Variants in SCN3A observed in about 807,000 individuals in gnomAD.
SCN3A encodes the protein sodium voltage-gated channel alpha subunit 3.
A neutral mutation model predicts 187.6 loss-of-function variants in SCN3A; 60 were observed. The observed-to-expected ratio is 0.32, with a 90% CI of 0.26 to 0.40. SCN3A has a LOEUF of 0.40. Among genes scored for constraint, SCN3A ranks in the 10% least tolerant of loss-of-function variants. The probability of loss-of-function intolerance (pLI) is 1.00; values close to 1 mark genes in which losing one functional copy is unlikely to be tolerated. For missense variants in SCN3A, 1,601 were observed against 2,428.2 expected (o/e 0.66, Z 7.16); for synonymous variants, 788 against 829.2 (o/e 0.95, Z 0.85).
At chr2:165,192,352 T>C (rs1231278554) in intron 1 of SCN3A, among the ~76,000 whole-genome samples, 2 of 152,152 alleles carry the variant, frequency 1.3e-5, no homozygotes, top group African/African-American at 4.8e-5. Context: ...AGAATGATAA[T>C]AGAGAACAGT....
At chr2:165,178,173 C>T (rs1191732069) in intron 2 of SCN3A, among the ~76,000 whole-genome samples, 1 of 151,932 alleles carries the variant, frequency 6.6e-6, no homozygotes, top group Non-Finnish European at 1.5e-5. Context: ...TTACTAGTTC[C>T]CTGATCTATT....
At chr2:165,180,413 C>G (rs1410621038) in intron 2 of SCN3A, among the ~76,000 whole-genome samples, 1 of 151,990 alleles carries the variant, frequency 6.6e-6, no homozygotes, top group Non-Finnish European at 1.5e-5. Context: ...ATATGTTCAT[C>G]CCAGGGAAGG....
rs375119305 is a variant in SCN3A, at chr2:165,139,419, A to G, written c.2152+57T>C. Reference sequence around the variant, plus strand: ...TTCAGTAATTCTATGAAAAGAAGGAATAGTTCACAAAGCACATAATCACAG... The same window carrying G: ...TTCAGTAATTCTATGAAAAGAAGGAGTAGTTCACAAAGCACATAATCACAG... On this transcript the variant is annotated intron_variant, in intron 14 of 27. Coordinates refer to ENST00000283254, the MANE Select transcript of SCN3A (RefSeq NM_006922.4). 234 of 1,610,702 alleles carry G rather than the reference A, an allele frequency of 1.5e-4. 3 individuals carry two copies. The East Asian group carries it at 1.7e-3, about 12-fold the overall frequency.
At chr2:165,168,710 C>T in intron 5 of SCN3A, 26 bp downstream of exon 5, 1 of 1,483,296 alleles carries the variant, frequency 6.7e-7, no homozygotes, top group Middle Eastern at 1.7e-4. Flanking sequence ...GTGCATTTCT[C>T]ATTCCCAGAA....
intron 19 of SCN3A, among the ~76,000 whole-genome samples, 173 bp from the exon 20 acceptor site, chr2:165,114,143 C>T (rs1686245862): frequency 6.6e-6 from 1 of 152,048 alleles, no homozygotes; most frequent in South Asian, 2.1e-4. Context: ...TATTCTCAGA[C>T]TTATATACTC....
Position 165,140,383 on chromosome 2 carries a change from T to C in SCN3A, c.2019+268A>G, listed in dbSNP as rs978094151. Among the ~76,000 whole-genome samples, 1 of 152,116 alleles carries C rather than the reference T, an allele frequency of 6.6e-6. No individual in the cohort carries two copies. Among genetic ancestry groups the C allele is most frequent in the African/African-American group, 2.4e-5 (1 of 41,430 alleles). ...GGTAGGTCTACCAAATTTGCAGATA[T>C]GTATTTCATAGCAGACTCTAAAAAC... is the stretch of plus-strand genomic sequence containing the variant. On this transcript the variant is annotated intron_variant, in intron 13 of 27. Coordinates refer to ENST00000283254, the MANE Select transcript of SCN3A (RefSeq NM_006922.4). This position sits in a 1 kb window ranked among gnomAD's most constrained non-coding sequence, Gnocchi z 4.2.
intron 2 of SCN3A, among the ~76,000 whole-genome samples, chr2:165,182,821 T>C (rs964110753): frequency 5.9e-5 from 9 of 152,040 alleles, no homozygotes; most frequent in African/African-American, 2.2e-4. Context: ...ATTAAGAAGT[T>C]ACTGGATGAG....
chr2:165,104,477 G>T (rs375336946), intron 21 of SCN3A, among the ~76,000 whole-genome samples: 3 of 151,136 alleles, frequency 2.0e-5, no homozygotes, highest in East Asian at 3.9e-4. Context: ...TAAATTTCAG[G>T]TTGGTCAAAA....
intron 18 of SCN3A, among the ~76,000 whole-genome samples, chr2:165,124,033 C>A (rs1398450946): frequency 6.6e-6 from 1 of 151,488 alleles, no homozygotes; most frequent in African/African-American, 2.4e-5. Context: ...AAAATATATA[C>A]CTTTATATTT....
chr2:165,165,731 T>C (rs936533167), intron 5 of SCN3A, among the ~76,000 whole-genome samples: 7 of 152,240 alleles, frequency 4.6e-5, no homozygotes, highest in Non-Finnish European at 7.3e-5. Context: ...TATTTATATA[T>C]GAAAAATGTT....
chr2:165,093,024 G>A (rs1685189146), intron 26 of SCN3A: 1 of 154,790 alleles, frequency 6.5e-6, no homozygotes, highest in Non-Finnish European at 1.4e-5. Flanking sequence ...ACTCCAGCCT[G>A]AGAGACAGAG....
chr2:165,102,184 C>T (rs752218327), intron 21 of SCN3A, among the ~76,000 whole-genome samples: 53 of 152,198 alleles, frequency 3.5e-4, no homozygotes, highest in Non-Finnish European at 6.0e-4. Context: ...GCAAATTTCT[C>T]AAGACCTTGA....
rs762858535 is a variant in SCN3A, at chr2:165,203,915, C to CTTTTTTTTT, written c.-349_-341dup. 1 of 94,692 alleles carries CTTTTTTTTT rather than the reference C, an allele frequency of 1.1e-5. No individual in the cohort carries two copies. The highest frequency in any genetic ancestry group is 1.1e-4 in the Admixed American group (1 of 9,260). 5.9% of individuals were successfully genotyped at this position (94,692 alleles called of 1,614,324 possible). A position where few individuals can be genotyped will look rare whatever the true frequency, so the allele number is the denominator to read the frequency against. ...CGTGTCTTCCTCTGCAGCTGTTCAG[C>CTTTTTTTTT]TTTTTTTTTTTTTTTTTTTTTTGAC... is the stretch of plus-strand genomic sequence containing the variant. On this transcript the variant is annotated 5_prime_UTR_variant, in exon 1 of 28. Coordinates refer to ENST00000283254, the MANE Select transcript of SCN3A (RefSeq NM_006922.4).
At chr2:165,107,485 T>G (rs183228192) in intron 21 of SCN3A, among the ~76,000 whole-genome samples, 1 of 152,252 alleles carries the variant, frequency 6.6e-6, no homozygotes, top group African/African-American at 2.4e-5. Context: ...CAATAATTTA[T>G]AATTATTTAG....
chr2:165,176,205 T>C lies in SCN3A; in HGVS notation c.190A>G (p.Ile64Val), dbSNP rs1690444819. 14 of 1,614,144 alleles carry C rather than the reference T, an allele frequency of 8.7e-6. No homozygotes were observed. The highest frequency in any genetic ancestry group is 1.2e-5 in the Non-Finnish European group (14 of 1,179,984). ...ATCTCTGGAGGAATGTCTCCATAAA[T>C]AAATGGAAGGTTCTTTCCAGCTTCC... ...DLEAGKNLPF[I>V]YGDIPPEMVS... Residue 64 changes from isoleucine (I) to valine (V), a missense_variant, in exon 3 of 28, where the codon ATT (isoleucine) becomes GTT (valine). Physicochemically the swap from Ile to Val is conservative, Grantham distance 29. This residue lies in a region of SCN3A where 74 missense variants were observed against 77.7 expected (regional missense o/e 0.95). Coordinates refer to ENST00000283254, the MANE Select transcript of SCN3A (RefSeq NM_006922.4).
chr2:165,196,735 A>T (rs140094842), intron 1 of SCN3A, among the ~76,000 whole-genome samples: 107 of 152,268 alleles, frequency 7.0e-4, no homozygotes, highest in African/African-American at 2.5e-3. Flanking sequence ...TATCTTTTAA[A>T]ATGCATTTTG....
At chr2:165,168,642 A>T in intron 5 of SCN3A, 94 bp downstream of exon 5, 1 of 900,048 alleles carries the variant, frequency 1.1e-6, no homozygotes, top group Non-Finnish European at 1.9e-6. Context: ...TTTCTTAGAC[A>T]GAAGTGGAAA....
intron 22 of SCN3A, chr2:165,097,727 A>G: frequency 1.6e-6 from 1 of 639,988 alleles, no homozygotes; most frequent in African/African-American, 1.8e-5. Context: ...TTTTAAGGAA[A>G]GCAAAATATG....
rs1021820246 is a variant in SCN3A, at chr2:165,089,564, C to G, written c.*586G>C. On this transcript the variant is annotated 3_prime_UTR_variant, in exon 28 of 28. Transcript: ENST00000283254. The stretch of plus-strand genomic sequence containing the variant: ...ACTAAAATACTTTCAAAATTAAAGC[C>G]ATCTAGAAAATGGAAGTAACTGAAA... The G allele has an allele frequency of 1.3e-5, 2 of 153,080 alleles. No individual in the cohort carries two copies. Among genetic ancestry groups the G allele is most frequent in the South Asian group, 2.1e-4 (1 of 4,856 alleles). The allele number at this position is 153,080 out of a possible 1,614,324, so 9.5% of individuals were successfully genotyped here.
Sources: allele counts gnomAD v4.1 joint callset (sites outside exome capture counted in the v4.1 genomes callset), GRCh38; gene constraint gnomAD v4.1.1; regional missense constraint gnomAD v4.1.1; non-coding constraint Gnocchi (gnomAD v3.1); transcripts MANE v1.5; gene names NCBI Gene and HGNC (gene_info 2026-07-23, HGNC 2026-07-21).